CCNF: variants seen among roughly 807,000 people sequenced by gnomAD.
CCNF encodes cyclin F.
In CCNF, 30 loss-of-function variants were observed where a neutral mutation model predicts 85.4. That is an observed-to-expected ratio of 0.35 (90% CI 0.26 to 0.48). CCNF has a LOEUF of 0.48. CCNF is among the 20% of genes least tolerant of loss of function. The pLI, the probability that CCNF is intolerant of heterozygous loss-of-function variation, is 0.99. For missense variants in CCNF, 919 were observed against 1,010.4 expected (o/e 0.91, Z 1.23); for synonymous variants, 439 against 425.1 (o/e 1.03, Z -0.40).
intron 6 of CCNF, 44 bp from the exon 7 acceptor site, chr16:2,439,309 A>C: frequency 4.8e-6 from 7 of 1,469,962 alleles, no homozygotes; most frequent in Non-Finnish European, 6.5e-6. Context: ...AATAAAAATG[A>C]AAAAGAATAA....
At chr16:2,439,486 G>T (rs756330740) in intron 7 of CCNF, 29 bp downstream of exon 7, 4 of 1,503,246 alleles carry the variant, frequency 2.7e-6, no homozygotes, top group South Asian at 1.2e-5. Flanking sequence ...GGGTCGGGGG[G>T]AGTTATGCTG....
chr16:2,431,291 C>A lies in CCNF; in HGVS notation c.171+7C>A, dbSNP rs1296774792. The A allele has an allele frequency of 6.2e-7, 1 of 1,613,462 alleles. No individual in the cohort carries two copies. Among genetic ancestry groups the A allele is most frequent in the Admixed American group, 1.7e-5 (1 of 59,916 alleles). On this transcript the variant is annotated splice_region_variant and intron_variant, in intron 2 of 16. Coordinates refer to ENST00000397066, the MANE Select transcript of CCNF (RefSeq NM_001761.3). ...CATCCTGGCCGTCCGAGCTGTAAGTCCCTGCATGAAAACACTATGAGCCCT... is the reference window on the plus strand; with the variant it reads ...CATCCTGGCCGTCCGAGCTGTAAGTACCTGCATGAAAACACTATGAGCCCT...
At position 2,433,011 on chromosome 16, in the gene CCNF, A is replaced by G. The variant is rs2065270490; in HGVS notation, c.222A>G (p.Ala74=). Residue 74 remains alanine (A), a synonymous_variant, in exon 3 of 17, where the codon GCA becomes GCG. Transcript: ENST00000397066. The part of the protein sequence containing the change: ...DLVDNHASVW[A]CASFQELWPS... ...TGGACAACCACGCCAGTGTGTGGGC[A>G]TGTGCCAGCTTCCAGGAGCTGTGGC... The G allele has an allele frequency of 1.4e-5, 23 of 1,611,598 alleles. No individual in the cohort carries two copies. Among genetic ancestry groups the G allele is most frequent in the Non-Finnish European group, 2.0e-5 (23 of 1,178,018 alleles).
chr16:2,453,486 CAG>C lies in CCNF; in HGVS notation c.1665_1666del (p.Glu557AspfsTer59). ...CCCGACCCCCCGACTTTCCTCAGCA[CAG>C]GGGAGATCCACGCCTTCCTCAGCTC... On this transcript the variant is annotated frameshift_variant, in exon 15 of 17. Coordinates refer to ENST00000397066, the MANE Select transcript of CCNF (RefSeq NM_001761.3). LOFTEE classifies it high-confidence loss of function. This position sits in a 1 kb window ranked among gnomAD's most constrained non-coding sequence, Gnocchi z 5.6. 6.2e-7 allele frequency: 1 copy of C among 1,614,094 alleles called. No homozygotes were observed. Among genetic ancestry groups the C allele is most frequent in the Non-Finnish European group, 8.5e-7 (1 of 1,179,998 alleles).
intron 4 of CCNF, 189 bp downstream of exon 4, chr16:2,436,062 A>T: frequency 2.1e-6 from 1 of 478,440 alleles, no homozygotes; most frequent in Non-Finnish European, 3.7e-6. Context: ...TGATACTCTG[A>T]CTTTGCAGGT....
chr16:2,442,284 G>C (rs999447784), intron 8 of CCNF, among the ~76,000 whole-genome samples: 2 of 140,068 alleles, frequency 1.4e-5, no homozygotes, highest in African/African-American at 5.3e-5. Flanking sequence ...TGGGATTACA[G>C]GCTTGAGCCA....
chr16:2,443,247 T>C (rs2065342570), intron 8 of CCNF, among the ~76,000 whole-genome samples: 1 of 148,698 alleles, frequency 6.7e-6, no homozygotes, highest in African/African-American at 2.5e-5. Flanking sequence ...TAGCTGTTTT[T>C]AATAATCACA....
chr16:2,454,096 G>A (rs766705424), intron 15 of CCNF, among the ~76,000 whole-genome samples: 48 of 152,232 alleles, frequency 3.2e-4, no homozygotes, highest in African/African-American at 1.1e-3. Context: ...GCCCTGCGCC[G>A]TGACCCCTCA....
At position 2,449,899 on chromosome 16, in the gene CCNF, A is replaced by G. The variant is rs2065384866; in HGVS notation, c.1471A>G (p.Ser491Gly). The change falls in exon 13 of 17, where the codon AGC becomes GGC. Residue 491 changes from serine (S) to glycine (G), a missense_variant. Coordinates refer to ENST00000397066, the MANE Select transcript of CCNF (RefSeq NM_001761.3). ...TGAAGACCTCATTCCCTGCGTCTTG[A>G]GCCTCCATAAGAAGTGGTGAGTTTT... Reference protein sequence around the residue: ...SYEDLIPCVLSLHKKCFHDDA... With the variant: ...SYEDLIPCVLGLHKKCFHDDA... 6.2e-7 allele frequency: 1 copy of G among 1,612,482 alleles called. No homozygotes were observed. The highest frequency in any genetic ancestry group is 8.5e-7 in the Non-Finnish European group (1 of 1,179,338).
Position 2,455,545 on chromosome 16 carries a change from G to T in CCNF, c.1866G>T (p.Glu622Asp), listed in dbSNP as rs1233772088. Reference sequence around the variant, plus strand: ...GCTATGAAGGCGACCAGGAGAGTGAGGGCGAGAAGGAGGGCGACGGTGAGT... The same window carrying T: ...GCTATGAAGGCGACCAGGAGAGTGATGGCGAGAAGGAGGGCGACGGTGAGT... ...CSGYEGDQESEGEKEGDVTAP... is the reference protein window; with the variant it reads ...CSGYEGDQESDGEKEGDVTAP... The change falls in exon 16 of 17, where the codon GAG (glutamate) becomes GAT (aspartate). Residue 622 changes from glutamate (E) to aspartate (D), a missense_variant. By Grantham distance (45) the Glu-to-Asp change is conservative. Around this residue, in one of 3 missense-constraint regions of CCNF, gnomAD observed 505 missense variants for 514.8 expected, o/e 0.98. Coordinates refer to ENST00000397066, the MANE Select transcript of CCNF (RefSeq NM_001761.3). 5.6e-6 allele frequency: 9 copies of T among 1,598,576 alleles called. No homozygotes were observed. The highest frequency in any genetic ancestry group is 7.7e-6 in the Non-Finnish European group (9 of 1,167,512).
rs903626516 is a variant in CCNF, at chr16:2,451,962, G to C, written c.1488-1248G>C. Among the ~76,000 whole-genome samples the C allele has an allele frequency of 6.6e-6, 1 of 152,238 alleles. No individual in the cohort carries two copies. Among genetic ancestry groups the C allele is most frequent in the South Asian group, 2.1e-4 (1 of 4,834 alleles). ...TGACTCAGCCAACGGCCTGTTGCCT[G>C]TTCTGGCCCTGGTGGGTCGTGGTGC... On this transcript the variant is annotated intron_variant, in intron 13 of 16. Coordinates refer to ENST00000397066, the MANE Select transcript of CCNF (RefSeq NM_001761.3). This position sits in a 1 kb window ranked among gnomAD's most constrained non-coding sequence, Gnocchi z 4.3.
rs764920424 is a variant in CCNF, at chr16:2,453,501, C to A, written c.1679C>A (p.Ala560Asp). Residue 560 changes from alanine (A) to aspartate (D), a missense_variant, in exon 15 of 17, where the codon GCC (alanine) becomes GAC (aspartate). This residue lies in a region of CCNF where 505 missense variants were observed against 514.8 expected (regional missense o/e 0.98). Coordinates refer to ENST00000397066, the MANE Select transcript of CCNF (RefSeq NM_001761.3). The surrounding 1 kb of genome is among the most constrained non-coding windows in gnomAD (Gnocchi z 5.6). ...PTFLSTGEIHAFLSSPSGRRT... is the reference protein window; with the variant it reads ...PTFLSTGEIHDFLSSPSGRRT... ...TTCCTCAGCACAGGGGAGATCCACG[C>A]CTTCCTCAGCTCTCCCTCGGGGCGG... 8 of 1,613,952 alleles carry A rather than the reference C, an allele frequency of 5.0e-6. No homozygotes were observed. The African/African-American group carries it at 1.1e-4, about 22-fold the overall frequency.
At chr16:2,445,130 C>T (rs149236423) in intron 9 of CCNF, among the ~76,000 whole-genome samples, 169 of 152,308 alleles carry the variant, frequency 1.1e-3, no homozygotes, top group Non-Finnish European at 1.9e-3. Context: ...GCTCCCTGCA[C>T]GCCCCGAGGG....
chr16:2,432,490 G>T (rs138327199), intron 2 of CCNF, among the ~76,000 whole-genome samples: 125 of 152,192 alleles, frequency 8.2e-4, no homozygotes, highest in Non-Finnish European at 1.3e-3. Flanking sequence ...ACACTCCTGC[G>T]TTGGCCCAGC....
chr16:2,429,753 A>G (rs796573028), intron 1 of CCNF, among the ~76,000 whole-genome samples: 82 of 151,866 alleles, frequency 5.4e-4, no homozygotes, highest in African/African-American at 1.8e-3. Context: ...TTCCTGGGGC[A>G]ACGATCGGGT....
Position 2,456,969 on chromosome 16 carries a change from A to G in CCNF, c.2310A>G (p.Leu770=), listed in dbSNP as rs750242322. ...AGCAACAGGTGAAGCGGATAAACCT[A>G]TGCATACACAGTGAGGAGGAGGACA... The part of the protein sequence containing the change: ...VPQQQVKRIN[L]CIHSEEEDMN... The change falls in exon 17 of 17, where the codon CTA becomes CTG. Residue 770 remains leucine, a synonymous_variant. Coordinates refer to ENST00000397066, the MANE Select transcript of CCNF (RefSeq NM_001761.3). This position sits in a 1 kb window ranked among gnomAD's most constrained non-coding sequence, Gnocchi z 4.5. 3 of 1,609,954 alleles carry G rather than the reference A, an allele frequency of 1.9e-6. No individual in the cohort carries two copies. The highest frequency in any genetic ancestry group is 1.1e-5 in the South Asian group (1 of 90,404).
chr16:2,434,775 C>A (rs1253864648), intron 3 of CCNF, among the ~76,000 whole-genome samples: 1 of 152,210 alleles, frequency 6.6e-6, no homozygotes, highest in Admixed American at 6.5e-5. Context: ...TCCCCACAAT[C>A]CTGGAAACTC....
In CCNF at chr16:2,431,131, G is replaced by A. The variant is rs1404701690; in HGVS notation, c.18G>A (p.Val6=). 1 of 1,611,588 alleles carries A rather than the reference G, an allele frequency of 6.2e-7. No homozygotes were observed. Among genetic ancestry groups the A allele is most frequent in the Non-Finnish European group, 8.5e-7 (1 of 1,179,278 alleles). ...GGCTTCTGTCTTTTTTTCCTTCAGT[G>A]GTCCACTGTAGGTGTGCCAAGTGTT... MGSGG[V]VHCRCAKCFC... Residue 6 remains valine, a splice_region_variant and synonymous_variant, in exon 2 of 17, where the codon GTG becomes GTA. Transcript: ENST00000397066.
At position 2,453,370 on chromosome 16, in the gene CCNF, C is replaced by A; in HGVS notation, c.1588-40C>A. ...TGCTGGGGTGTGGGCGGGCCTCACCCTCGGGGCCTCTGCACCCCCTAACTC... is the reference window on the plus strand; with the variant it reads ...TGCTGGGGTGTGGGCGGGCCTCACCATCGGGGCCTCTGCACCCCCTAACTC... On this transcript the variant is annotated intron_variant, in intron 14 of 16. Coordinates refer to ENST00000397066, the MANE Select transcript of CCNF (RefSeq NM_001761.3). The surrounding 1 kb of genome is among the most constrained non-coding windows in gnomAD (Gnocchi z 5.6). The A allele has an allele frequency of 6.2e-7, 1 of 1,613,768 alleles. No individual in the cohort carries two copies. Among genetic ancestry groups the A allele is most frequent in the Non-Finnish European group, 8.5e-7 (1 of 1,179,902 alleles).
Sources: gnomAD v4.1 joint callset for allele counts (sites outside exome capture counted in the v4.1 genomes callset) on GRCh38, gnomAD v4.1.1 for gene constraint, gnomAD v4.1.1 regional missense constraint, Gnocchi (gnomAD v3.1) non-coding constraint, MANE v1.5 for transcripts, NCBI Gene and HGNC (gene_info 2026-07-23, HGNC 2026-07-21) for gene names.